Variants in DMD observed in about 807,000 individuals in gnomAD.
DMD encodes the protein dystrophin, also known as mutant dystrophin.
A neutral mutation model predicts 330.1 loss-of-function variants in DMD; 63 were observed. That is an observed-to-expected ratio of 0.19 (90% CI 0.16 to 0.24). DMD has a LOEUF of 0.24. DMD is among the 10% of genes least tolerant of loss of function. The pLI is 1.00. For synonymous variants in DMD, 1,223 were observed against 959.8 expected (o/e 1.27, Z -5.07); for missense variants, 3,344 against 2,684.1 (o/e 1.25, Z -5.43).
At chrX:32,769,590 A>G (rs1259019182) in intron 7 of DMD, among the ~76,000 whole-genome samples, 2 of 111,779 alleles carry the variant, frequency 1.8e-5, no homozygotes, top group African/African-American at 6.5e-5. Context: ...TTGTTTAGCT[A>G]ATTCAGTGAC....
At chrX:32,631,255 G>A (rs766761757) in intron 11 of DMD, among the ~76,000 whole-genome samples, 5 of 111,607 alleles carry the variant, frequency 4.5e-5, no homozygotes, top group East Asian at 2.8e-4. Flanking sequence ...TAGCTACCAC[G>A]ACTAGGATTG....
At chrX:31,130,925 G>A (rs2147733054) in intron 77 of DMD, among the ~76,000 whole-genome samples, 1 of 111,925 alleles carries the variant, frequency 8.9e-6, no homozygotes, top group Admixed American at 9.5e-5. Flanking sequence ...CTTTTCCTCT[G>A]TGGGCAATTA....
chrX:33,041,531 A>G (rs1190217736), intron 1 of DMD: 1 of 1,206,505 alleles, frequency 8.3e-7, no homozygotes. Context: ...GAAGATGGTG[A>G]AAATTATGAC....
chrX:32,337,498 C>G (rs2097721251), intron 41 of DMD, among the ~76,000 whole-genome samples: 1 of 109,659 alleles, frequency 9.1e-6, no homozygotes, highest in Non-Finnish European at 1.9e-5. Context: ...TTTTTCTTCA[C>G]TGAAGTGGGC....
chrX:32,631,760 T>A (rs1455506024), intron 11 of DMD, among the ~76,000 whole-genome samples: 2 of 111,211 alleles, frequency 1.8e-5, no homozygotes. Context: ...AAAACAGCAC[T>A]AAGAGGATAG....
chrX:31,414,705 T>C (rs1286803026), intron 60 of DMD, among the ~76,000 whole-genome samples: 3 of 112,208 alleles, frequency 2.7e-5, no homozygotes, highest in African/African-American at 9.7e-5. Context: ...CGCATCCAAA[T>C]ATTATAAAAG....
chrX:32,190,583 T>C (rs2096970432), intron 44 of DMD, among the ~76,000 whole-genome samples: 1 of 96,425 alleles, frequency 1.0e-5, no homozygotes, highest in South Asian at 4.8e-4. Context: ...TATATATATA[T>C]ATTTCACCAC....
chrX:32,730,974 G>T (rs1456998267), intron 7 of DMD, among the ~76,000 whole-genome samples: 2 of 111,845 alleles, frequency 1.8e-5, no homozygotes, highest in Non-Finnish European at 3.8e-5. Flanking sequence ...GAAGACGGGT[G>T]ATTTCTGCAT....
intron 18 of DMD, among the ~76,000 whole-genome samples, chrX:32,502,183 T>G (rs1445462907): frequency 1.8e-5 from 2 of 111,675 alleles, no homozygotes; most frequent in Non-Finnish European, 3.8e-5. Context: ...AAAATGAAAT[T>G]TATCTTTTAA....
chrX:32,159,610 C>T (rs2096841865), intron 44 of DMD, among the ~76,000 whole-genome samples: 1 of 111,646 alleles, frequency 9.0e-6, no homozygotes, highest in Non-Finnish European at 1.9e-5. Flanking sequence ...AAGGGGAAAT[C>T]TTTTGGTGGT....
intron 64 of DMD, among the ~76,000 whole-genome samples, chrX:31,216,915 C>A (rs2045469247): frequency 8.9e-6 from 1 of 111,790 alleles, no homozygotes; most frequent in Non-Finnish European, 1.9e-5. Flanking sequence ...TGAATAGAGG[C>A]AAAATGTTCT....
At chrX:32,948,880 T>G (rs2146903562) in intron 2 of DMD, among the ~76,000 whole-genome samples, 1 of 111,905 alleles carries the variant, frequency 8.9e-6, no homozygotes, top group East Asian at 2.8e-4. Flanking sequence ...CATCAAAAAT[T>G]ATCGATACCA....
At chrX:32,136,771 C>T (rs908173017) in intron 44 of DMD, among the ~76,000 whole-genome samples, 1 of 109,870 alleles carries the variant, frequency 9.1e-6, no homozygotes, top group Non-Finnish European at 1.9e-5. Context: ...CATGTTTCTT[C>T]CACTGCCACT....
chrX:32,211,607 C>A (rs190401758), intron 44 of DMD, among the ~76,000 whole-genome samples: 7 of 111,507 alleles, frequency 6.3e-5, no homozygotes, highest in Non-Finnish European at 1.1e-4. Context: ...ACTGGTGTTT[C>A]GCTCCCCATG....
chrX:33,019,949 G>A (rs928348570), intron 2 of DMD, among the ~76,000 whole-genome samples, 190 bp downstream of exon 2: 4 of 111,557 alleles, frequency 3.6e-5, no homozygotes, highest in Admixed American at 1.9e-4. Flanking sequence ...ATTAAATAGT[G>A]TATCTTTGCC....
At chrX:33,108,814 C>T (rs1162130646) in intron 1 of DMD, among the ~76,000 whole-genome samples, 54 of 87,651 alleles carry the variant, frequency 6.2e-4, no homozygotes, top group African/African-American at 2.0e-3. Flanking sequence ...TGCAGTGAGC[C>T]GAGATCGCGC....
At chrX:31,897,961 C>T (rs1341043235) in intron 47 of DMD, among the ~76,000 whole-genome samples, 1 of 110,713 alleles carries the variant, frequency 9.0e-6, no homozygotes, top group Non-Finnish European at 1.9e-5. Context: ...GCTTTTGTTG[C>T]CATTGGTTTT....
At chrX:33,328,422 T>C (rs2054120685) in intron 1 of DMD, among the ~76,000 whole-genome samples, 2 of 110,477 alleles carry the variant, frequency 1.8e-5, no homozygotes, top group South Asian at 7.9e-4. Flanking sequence ...GGTCTCGAAC[T>C]CCTGACCTCA....
At position 31,932,268 on chromosome X, in the gene DMD, A is replaced by G. The variant is rs751809506; in HGVS notation, c.6615-41T>C. On this transcript the variant is annotated intron_variant, in intron 45 of 78. Coordinates refer to ENST00000357033, the MANE Select transcript of DMD (RefSeq NM_004006.3). ...TAAAATTGTTATTTTTTTTTCCAAC[A>G]TAGTTCTCAAACTATTTGTTAATGC... is the stretch of plus-strand genomic sequence containing the variant. 6 of 1,072,406 alleles carry G rather than the reference A, an allele frequency of 5.6e-6. No individual in the cohort carries two copies. In the Admixed American group the frequency reaches 9.0e-5, roughly 16 times the overall value. The allele number at this position is 1,072,406 out of a possible 1,213,427, so 88.4% of individuals were successfully genotyped here. A position where few individuals can be genotyped will look rare whatever the true frequency, so the allele number is the denominator to read the frequency against.
Sources: allele counts gnomAD v4.1 joint callset (sites outside exome capture counted in the v4.1 genomes callset), GRCh38; gene constraint gnomAD v4.1.1; transcripts MANE v1.5; gene names NCBI Gene and HGNC (gene_info 2026-07-23, HGNC 2026-07-21).